CCDC30: variants seen among roughly 807,000 people sequenced by gnomAD.
CCDC30 encodes coiled-coil domain-containing protein 30.
Under a neutral mutation model 100.2 loss-of-function variants are expected in CCDC30, and 70 were observed. That is an observed-to-expected ratio of 0.70 (90% confidence interval 0.58 to 0.85). The LOEUF is 0.85. CCDC30 is among the 40% of genes least tolerant of loss of function. The pLI, the probability that CCDC30 is intolerant of heterozygous loss-of-function variation, is 0.00. For missense variants in CCDC30, 652 were observed against 771.2 expected (o/e 0.85, Z 1.83); for synonymous variants, 233 against 269.5 (o/e 0.86, Z 1.33).
chr1:42,458,144 C>T, the CCDC30 span, among the ~76,000 whole-genome samples: 2 of 151,976 alleles, frequency 1.3e-5, no homozygotes, highest in African/African-American at 2.4e-5. Context: ...CTTTATTTTC[C>T]TTTTTTAAGG....
At chr1:42,569,306 A>T (rs1482009006) in intron 7 of CCDC30, among the ~76,000 whole-genome samples, 1 of 152,224 alleles carries the variant, frequency 6.6e-6, no homozygotes, top group Non-Finnish European at 1.5e-5. Context: ...CCCATCAAAA[A>T]GTGGGTGAAG....
chr1:42,510,512 C>T (rs979068626), intron 6 of CCDC30, among the ~76,000 whole-genome samples: 4 of 152,106 alleles, frequency 2.6e-5, no homozygotes, highest in Admixed American at 1.3e-4. Context: ...CAATAATTAG[C>T]TGGATGTGGT....
At chr1:42,588,799 G>A (rs2148605408) in intron 9 of CCDC30, among the ~76,000 whole-genome samples, 1 of 152,252 alleles carries the variant, frequency 6.6e-6, no homozygotes, top group Non-Finnish European at 1.5e-5. Flanking sequence ...AAAATATTTA[G>A]TATACCAGGA....
At chr1:42,544,839 T>C (rs1171498172) in intron 6 of CCDC30, among the ~76,000 whole-genome samples, 1 of 152,182 alleles carries the variant, frequency 6.6e-6, no homozygotes, top group Non-Finnish European at 1.5e-5. Flanking sequence ...CTTCAGCTGA[T>C]GCTTTTATAT....
At chr1:42,475,173 T>C (rs976712956) in intron 1 of CCDC30, among the ~76,000 whole-genome samples, 2 of 152,162 alleles carry the variant, frequency 1.3e-5, no homozygotes, top group African/African-American at 4.8e-5. Context: ...TGTATGATAA[T>C]GTAAGACAGC....
intron 11 of CCDC30, among the ~76,000 whole-genome samples, chr1:42,625,658 A>G (rs1240805238): frequency 6.6e-6 from 1 of 152,022 alleles, no homozygotes; most frequent in African/African-American, 2.4e-5. Context: ...ATGTATTTGT[A>G]TAGTTTCCAA....
In CCDC30 at chr1:42,497,604, T is replaced by C. The variant is rs558867988; in HGVS notation, c.357+391T>C. 2.0e-5 allele frequency among the ~76,000 whole-genome samples: 3 copies of C among 152,324 alleles called. No individual in the cohort carries two copies. The South Asian group carries it at 6.2e-4, about 32-fold the overall frequency. ...CCATTTCTTCTTAGCAATTTACTGA[T>C]TTTTAAAAATATGTACTTCCAAATT... On this transcript the variant is annotated intron_variant, in intron 5 of 16. Coordinates refer to ENST00000668663, the Ensembl canonical transcript of CCDC30.
intron 6 of CCDC30, chr1:42,534,795 T>G (rs1644864673): frequency 6.6e-6 from 1 of 152,204 alleles, no homozygotes; most frequent in Non-Finnish European, 1.5e-5. Context: ...AGGAAGCGAT[T>G]TCAGGGCTAC....
chr1:42,517,573 TC>T (rs1056141996), intron 6 of CCDC30, among the ~76,000 whole-genome samples: 1 of 152,206 alleles, frequency 6.6e-6, no homozygotes, highest in Non-Finnish European at 1.5e-5. Context: ...GGTCTTTTTA[TC>T]CTTTTTGAAT....
intron 7 of CCDC30, among the ~76,000 whole-genome samples, chr1:42,567,635 C>T (rs1181202071): frequency 2.0e-5 from 3 of 152,172 alleles, no homozygotes; most frequent in Non-Finnish European, 2.9e-5. Context: ...TTCCTTCAAG[C>T]CTTTGTAGTT....
At chr1:42,646,387 A>C in intron 15 of CCDC30, 70 bp downstream of exon 19, 10 of 1,327,396 alleles carry the variant, frequency 7.5e-6, no homozygotes, top group Non-Finnish European at 9.7e-6. Context: ...CTGTTTGGAA[A>C]ATCTCTCAAC....
intron 9 of CCDC30, among the ~76,000 whole-genome samples, chr1:42,582,718 G>T (rs1645992079): frequency 6.6e-6 from 1 of 152,172 alleles, no homozygotes; most frequent in Admixed American, 6.5e-5. Context: ...GCTCTTGACT[G>T]GTCCACTTTT....
rs200562449 is a variant in CCDC30, at chr1:42,540,401, G to A, written c.457-25895G>A. Among the ~76,000 whole-genome samples, 10 of 152,140 alleles carry A rather than the reference G, an allele frequency of 6.6e-5. No individual in the cohort carries two copies. The East Asian group carries it at 1.4e-3, about 21-fold the overall frequency. On this transcript the variant is annotated intron_variant, in intron 6 of 16. Coordinates refer to ENST00000668663, the Ensembl canonical transcript of CCDC30. ...TCACGTTGTACAGTTAAAGGGCCAG[G>A]CCTTTTAAAATATCATTGAAAAAGT... is the stretch of plus-strand genomic sequence containing the variant.
At chr1:42,652,397 A>G (rs1360146384) in intron 15 of CCDC30, among the ~76,000 whole-genome samples, 6 of 152,110 alleles carry the variant, frequency 3.9e-5, no homozygotes, top group Admixed American at 3.9e-4. Flanking sequence ...GGTGATGGAT[A>G]TGTTAATTAC....
At chr1:42,504,673 G>A (rs1644370096) in intron 6 of CCDC30, among the ~76,000 whole-genome samples, 1 of 152,142 alleles carries the variant, frequency 6.6e-6, no homozygotes, top group Admixed American at 6.5e-5. Context: ...GATTTGGGTG[G>A]CTAGAGTAAC....
intron 6 of CCDC30, among the ~76,000 whole-genome samples, chr1:42,556,933 A>G (rs1162677701): frequency 6.6e-6 from 1 of 152,182 alleles, no homozygotes; most frequent in East Asian, 1.9e-4. Flanking sequence ...GGAAAATACG[A>G]CAGACATTTT....
At chr1:42,592,162 C>G (rs888215344) in intron 10 of CCDC30, 2 of 152,120 alleles carry the variant, frequency 1.3e-5, no homozygotes, top group Non-Finnish European at 2.9e-5. Context: ...TGAGTTAAGA[C>G]TTTTGGGGAC....
chr1:42,481,123 A>AG (rs1643950095), intron 2 of CCDC30, among the ~76,000 whole-genome samples: 1 of 151,930 alleles, frequency 6.6e-6, no homozygotes, highest in Admixed American at 6.6e-5. Flanking sequence ...AAAAAAAAAA[A>AG]AAGAGTCATG....
chr1:42,610,640 G>T (rs928384130), intron 10 of CCDC30, among the ~76,000 whole-genome samples: 1 of 152,078 alleles, frequency 6.6e-6, no homozygotes, highest in South Asian at 2.1e-4. Context: ...GCCCAGCCTG[G>T]TCTCAAACTC....
Sources: allele counts gnomAD v4.1 joint callset (sites outside exome capture counted in the v4.1 genomes callset), GRCh38; gene constraint gnomAD v4.1.1; transcripts MANE v1.5; gene names NCBI Gene and HGNC (gene_info 2026-07-23, HGNC 2026-07-21).